CNTN3: variants seen among roughly 807,000 people sequenced by gnomAD.
The protein encoded by CNTN3 is contactin-3.
CNTN3 carries 60 observed loss-of-function variants against 119.1 expected under a neutral mutation model. The observed-to-expected ratio is 0.50, with a 90% CI of 0.41 to 0.62. The LOEUF (loss-of-function observed/expected upper bound fraction) is 0.62. Among genes scored for constraint, CNTN3 ranks in the 20% least tolerant of loss-of-function variants. CNTN3 has a pLI of 0.00. For synonymous variants in CNTN3, 450 were observed against 438.7 expected (o/e 1.03, Z -0.32); for missense variants, 1,101 against 1,242.4 (o/e 0.89, Z 1.71).
At chr3:74,606,317 A>C (rs1704992145) in intron 1 of CNTN3, among the ~76,000 whole-genome samples, 1 of 152,022 alleles carries the variant, frequency 6.6e-6, no homozygotes, top group South Asian at 2.1e-4. Flanking sequence ...ATTTGATTTT[A>C]ATCTCTTCTG....
intron 1 of CNTN3, among the ~76,000 whole-genome samples, chr3:74,570,521 A>G (rs1026491382): frequency 3.7e-5 from 5 of 136,796 alleles, no homozygotes; most frequent in Non-Finnish European, 7.8e-5. Context: ...AAAAGAAGAA[A>G]AAAAAAGAGT....
In CNTN3 at chr3:74,410,237, G is replaced by A. The variant is rs115225611; in HGVS notation, c.454+14608C>T. Among the ~76,000 whole-genome samples the A allele has an allele frequency of 8.3e-3, 1,269 of 152,160 alleles. 6 individuals carry two copies. Among genetic ancestry groups the A allele is most frequent in the South Asian group, 0.022 (105 of 4,822 alleles). On this transcript the variant is annotated intron_variant, in intron 5 of 22. Transcript: ENST00000263665. ...TATGGCTCAGGACTGTCCAACCCCT[G>A]CCCTCTGCCTAACCTGTGAATCTGA... is the stretch of plus-strand genomic sequence containing the variant.
intron 1 of CNTN3, among the ~76,000 whole-genome samples, chr3:74,556,990 T>C (rs78196724): frequency 0.07 from 10,722 of 152,242 alleles, 402 homozygotes; most frequent in Admixed American, 0.095. Context: ...CAGGTTTGTC[T>C]TTTTATTGTT....
intron 1 of CNTN3, among the ~76,000 whole-genome samples, chr3:74,528,994 AAAAG>A (rs1703657798): frequency 6.6e-6 from 1 of 151,938 alleles, no homozygotes; most frequent in Admixed American, 6.6e-5. Context: ...CACTGTGTGA[AAAAG>A]AAATATGGGT....
chr3:74,285,508 AC>A lies in CNTN3; in HGVS notation c.2518-18del, dbSNP rs746665391. ...GTACCGCACCTGGTGGGCGGAAGAC[AC>A]CAAACATGTGAAGGCTTAAAAAATT... On this transcript the variant is annotated intron_variant, in intron 19 of 22. Coordinates refer to ENST00000263665, the MANE Select transcript of CNTN3 (RefSeq NM_020872.3). 6.3e-7 allele frequency: 1 copy of A among 1,590,294 alleles called. No homozygotes were observed. Among genetic ancestry groups the A allele is most frequent in the Non-Finnish European group, 8.5e-7 (1 of 1,170,324 alleles).
chr3:74,499,584 G>T, intron 3 of CNTN3, 75 bp downstream of exon 3: 1 of 1,423,842 alleles, frequency 7.0e-7, no homozygotes, highest in Non-Finnish European at 9.4e-7. Flanking sequence ...ATATATTGAA[G>T]CAAAAAAAAA....
intron 5 of CNTN3, among the ~76,000 whole-genome samples, chr3:74,407,016 G>A (rs1242516669): frequency 6.6e-6 from 1 of 152,106 alleles, no homozygotes; most frequent in Non-Finnish European, 1.5e-5. Context: ...CTGCTAAGAA[G>A]CATAATCTCA....
chr3:74,454,609 G>A (rs1283236870), intron 4 of CNTN3, among the ~76,000 whole-genome samples: 43 of 152,108 alleles, frequency 2.8e-4, no homozygotes, highest in African/African-American at 8.4e-4. Flanking sequence ...CCTAGTCTCA[G>A]TGGTCTTTAC....
chr3:74,432,386 TAAAA>T (rs772802742), intron 4 of CNTN3, among the ~76,000 whole-genome samples: 1 of 129,198 alleles, frequency 7.7e-6, no homozygotes. Flanking sequence ...GCCAATGAGC[TAAAA>T]AAAAAAAAAA....
At chr3:74,322,993 TG>T (rs1467754063) in intron 13 of CNTN3, among the ~76,000 whole-genome samples, 3 of 152,170 alleles carry the variant, frequency 2.0e-5, no homozygotes, top group African/African-American at 7.2e-5. Context: ...TTAGGAGGGC[TG>T]GAAGAAATGA....
At chr3:74,587,140 T>C (rs1382875751) in intron 1 of CNTN3, among the ~76,000 whole-genome samples, 3 of 151,822 alleles carry the variant, frequency 2.0e-5, no homozygotes, top group Admixed American at 2.0e-4. Context: ...AAAAAAGCAA[T>C]AAAAGCATAA....
intron 2 of CNTN3, among the ~76,000 whole-genome samples, chr3:74,504,816 G>A (rs1476680375): frequency 2.0e-5 from 3 of 152,104 alleles, no homozygotes; most frequent in Non-Finnish European, 4.4e-5. Flanking sequence ...AGCCAGGGGA[G>A]ATTGGCTTAT....
At chr3:74,605,715 T>C (rs1421385191) in intron 1 of CNTN3, among the ~76,000 whole-genome samples, 1 of 152,188 alleles carries the variant, frequency 6.6e-6, no homozygotes, top group Non-Finnish European at 1.5e-5. Context: ...GAGGCTTGCC[T>C]GGACTTCTCC....
chr3:74,527,800 G>C (rs1376475975), intron 1 of CNTN3, among the ~76,000 whole-genome samples: 5 of 151,866 alleles, frequency 3.3e-5, no homozygotes, highest in African/African-American at 1.2e-4. Context: ...ATTTGTACTT[G>C]ACATGCAATA....
At position 74,308,085 on chromosome 3, in the gene CNTN3, G is replaced by A. The variant is rs539647620; in HGVS notation, c.1669-5278C>T. On this transcript the variant is annotated intron_variant, in intron 13 of 22. Transcript: ENST00000263665. The stretch of plus-strand genomic sequence containing the variant: ...AAGTTCCTTCTGGAACCTGGTTGGC[G>A]TTTTCCTCTGTAAGACTCCCGGAAG... 7.2e-4 allele frequency among the ~76,000 whole-genome samples: 110 copies of A among 152,252 alleles called. 2 individuals carry two copies. The South Asian group carries it at 0.018, about 25-fold the overall frequency.
intron 20 of CNTN3, among the ~76,000 whole-genome samples, chr3:74,279,908 T>G (rs1377419488): frequency 6.6e-6 from 1 of 152,028 alleles, no homozygotes; most frequent in Non-Finnish European, 1.5e-5. Context: ...AAGTGGAGAT[T>G]AACAGGGACA....
At chr3:74,385,583 C>T (rs1006448947) in intron 5 of CNTN3, among the ~76,000 whole-genome samples, 1 of 152,060 alleles carries the variant, frequency 6.6e-6, no homozygotes, top group Non-Finnish European at 1.5e-5. Context: ...AGGTGTGTGC[C>T]CTTTGATAAA....
intron 5 of CNTN3, among the ~76,000 whole-genome samples, chr3:74,375,260 A>C (rs28655719): frequency 0.039 from 5,939 of 152,230 alleles, 374 homozygotes; most frequent in African/African-American, 0.13. Flanking sequence ...GAAAAGTAGG[A>C]GGAGCCACTC....
chr3:74,505,144 A>G (rs937886389), intron 2 of CNTN3, among the ~76,000 whole-genome samples: 1 of 151,980 alleles, frequency 6.6e-6, no homozygotes, highest in Non-Finnish European at 1.5e-5. Flanking sequence ...GAGGGCCCAC[A>G]CTAATGACCT....
Sources: gnomAD v4.1 joint callset for allele counts (sites outside exome capture counted in the v4.1 genomes callset) on GRCh38, gnomAD v4.1.1 for gene constraint, MANE v1.5 for transcripts, NCBI Gene and HGNC (gene_info 2026-07-23, HGNC 2026-07-21) for gene names.